NGLY1: variants seen among roughly 807,000 people sequenced by gnomAD.
NGLY1 encodes peptide-N(4)-(N-acetyl-beta-glucosaminyl)asparagine amidase.
A neutral mutation model predicts 84.6 loss-of-function variants in NGLY1; 68 were observed. The ratio of observed to expected loss-of-function variants is 0.80; its 90% CI spans 0.66 to 0.98. NGLY1 has a LOEUF of 0.98. NGLY1 is among the 50% of genes least tolerant of loss of function. The probability of loss-of-function intolerance (pLI) is 0.00; values close to 1 mark genes in which losing one functional copy is unlikely to be tolerated. For missense variants in NGLY1, 779 were observed against 770.2 expected (o/e 1.01, Z -0.14); for synonymous variants, 280 against 275.2 (o/e 1.02, Z -0.17).
chr3:25,760,720 C>T (rs533244547), intron 3 of NGLY1, among the ~76,000 whole-genome samples: 4 of 151,870 alleles, frequency 2.6e-5, no homozygotes, highest in Non-Finnish European at 4.4e-5. Context: ...ACTAGCCAGA[C>T]GTGGTGGCAC....
At chr3:25,770,222 C>T (rs1209749066) in intron 2 of NGLY1, among the ~76,000 whole-genome samples, 1 of 152,218 alleles carries the variant, frequency 6.6e-6, no homozygotes, top group Non-Finnish European at 1.5e-5. Flanking sequence ...ATGATCTCAG[C>T]TCACTGCAAC....
intron 2 of NGLY1, among the ~76,000 whole-genome samples, chr3:25,775,589 T>C (rs1708119565): frequency 1.3e-5 from 2 of 151,950 alleles, no homozygotes; most frequent in South Asian, 2.1e-4. Flanking sequence ...GCTAAAACAA[T>C]TGATCCCATA....
chr3:25,719,332 A>C lies in NGLY1; in HGVS notation c.*128T>G. ...TAAAGATAATTTTCATGAGGGTTAC[A>C]TGATGGATAGCTAGCAAAAGAAATA... On this transcript the variant is annotated 3_prime_UTR_variant, in exon 12 of 12. Transcript: ENST00000280700. The C allele has an allele frequency of 1.6e-6, 1 of 642,758 alleles. No individual in the cohort carries two copies. The highest frequency in any genetic ancestry group is 2.7e-6 in the Non-Finnish European group (1 of 376,416). The allele number at this position is 642,758 out of a possible 1,614,324, so 39.8% of individuals were successfully genotyped here.
At chr3:25,782,292 T>C (rs1209383522) in intron 1 of NGLY1, among the ~76,000 whole-genome samples, 2 of 152,180 alleles carry the variant, frequency 1.3e-5, no homozygotes, top group African/African-American at 4.8e-5. Context: ...TTAGACTTCA[T>C]GACAATATAC....
At chr3:25,767,424 T>C (rs1430619580) in intron 2 of NGLY1, among the ~76,000 whole-genome samples, 2 of 152,118 alleles carry the variant, frequency 1.3e-5, no homozygotes, top group Non-Finnish European at 2.9e-5. Context: ...GCTGAAAATA[T>C]CGTCCAGTCA....
At chr3:25,755,747 G>C in intron 3 of NGLY1, 1 of 919,418 alleles carries the variant, frequency 1.1e-6, no homozygotes, top group Non-Finnish European at 1.7e-6. Flanking sequence ...TACTGAACTA[G>C]AATATTCTAG....
intron 1 of NGLY1, 52 bp from the exon 2 acceptor site, chr3:25,778,740 C>T: frequency 9.4e-7 from 1 of 1,066,190 alleles, no homozygotes; most frequent in Non-Finnish European, 1.4e-6. Flanking sequence ...GGTCATAGTT[C>T]TTCAAAGACT....
At chr3:25,776,412 T>A (rs1708157172) in intron 2 of NGLY1, among the ~76,000 whole-genome samples, 1 of 152,234 alleles carries the variant, frequency 6.6e-6, no homozygotes, top group Non-Finnish European at 1.5e-5. Flanking sequence ...CCCAACCAAT[T>A]TGAATCTTGA....
chr3:25,723,099 G>A (rs983429581), intron 10 of NGLY1, among the ~76,000 whole-genome samples: 1 of 152,134 alleles, frequency 6.6e-6, no homozygotes, highest in African/African-American at 2.4e-5. Flanking sequence ...TATAAAATAT[G>A]ATAGGCTGAA....
rs138476844 is a variant in NGLY1 at position 25,749,048 on chromosome 3, C to T, written c.658+2050G>A. 1.0e-3 allele frequency among the ~76,000 whole-genome samples: 155 copies of T among 152,154 alleles called. 2 individuals are homozygous for T. The highest frequency in any genetic ancestry group is 4.1e-4 in the Non-Finnish European group (28 of 67,994). On this transcript the variant is annotated intron_variant, in intron 4 of 11. Transcript: ENST00000280700. ...GCAAATCAAAACTACAGTGACATACCGCTTCATCCCCATTAGCATGGCTAC... is the reference window on the plus strand; with the variant it reads ...GCAAATCAAAACTACAGTGACATACTGCTTCATCCCCATTAGCATGGCTAC...
intron 1 of NGLY1, chr3:25,782,890 T>A (rs1708482071): frequency 4.8e-6 from 1 of 209,040 alleles, no homozygotes; most frequent in Non-Finnish European, 9.8e-6. Context: ...GCGGTGCGGT[T>A]ACCGTTGTGT....
chr3:25,751,033 C>T (rs761393784), intron 4 of NGLY1, 65 bp downstream of exon 4: 21 of 1,487,240 alleles, frequency 1.4e-5, no homozygotes, highest in Non-Finnish European at 1.9e-5. Flanking sequence ...AGTTGTATTT[C>T]AGTATTTTCT....
Position 25,783,087 on chromosome 3 carries a change from C to G in NGLY1, c.131+173G>C. 1 of 590,580 alleles carries G rather than the reference C, an allele frequency of 1.7e-6. No homozygotes were observed. The highest frequency in any genetic ancestry group is 2.9e-6 in the Non-Finnish European group (1 of 342,808). 36.6% of individuals were successfully genotyped at this position (590,580 alleles called of 1,614,324 possible). A position where few individuals can be genotyped will look rare whatever the true frequency, so the allele number is the denominator to read the frequency against. ...GCGGGGGTGGGACTTGGCCGGGTCC[C>G]GAGGCCCCTGGCCGGCGGGCTCGGA... On this transcript the variant is annotated intron_variant, in intron 1 of 11. Coordinates refer to ENST00000280700, the MANE Select transcript of NGLY1 (RefSeq NM_018297.4). This position sits in a 1 kb window ranked among gnomAD's most constrained non-coding sequence, Gnocchi z 4.5.
intron 2 of NGLY1, among the ~76,000 whole-genome samples, chr3:25,764,609 T>A (rs1365233044): frequency 6.6e-6 from 1 of 151,300 alleles, no homozygotes; most frequent in Non-Finnish European, 1.5e-5. Flanking sequence ...AAACAATAAG[T>A]CAGAAGGCCT....
intron 2 of NGLY1, among the ~76,000 whole-genome samples, chr3:25,768,077 C>T (rs1375715174): frequency 7.9e-6 from 1 of 126,898 alleles, no homozygotes; most frequent in Non-Finnish European, 1.6e-5. Flanking sequence ...CGCACCACTA[C>T]ACTCCAGGCT....
At chr3:25,781,268 A>G (rs920993514) in intron 1 of NGLY1, among the ~76,000 whole-genome samples, 2 of 152,120 alleles carry the variant, frequency 1.3e-5, no homozygotes, top group Non-Finnish European at 2.9e-5. Flanking sequence ...TTATTTTTAT[A>G]TCATCTCTGG....
chr3:25,743,884 A>C (rs1706281248), intron 4 of NGLY1, among the ~76,000 whole-genome samples: 1 of 152,184 alleles, frequency 6.6e-6, no homozygotes, highest in Non-Finnish European at 1.5e-5. Context: ...TCCTCATTTA[A>C]ACAATATCCT....
At chr3:25,766,049 AGTAG>A (rs1707551200) in intron 2 of NGLY1, among the ~76,000 whole-genome samples, 1 of 151,692 alleles carries the variant, frequency 6.6e-6, no homozygotes, top group Admixed American at 6.6e-5. Context: ...TACCCTGAAA[AGTAG>A]GTATTAGATT....
At chr3:25,788,660 G>C (rs554253803) in intron 1 of NGLY1, among the ~76,000 whole-genome samples, 5 of 152,196 alleles carry the variant, frequency 3.3e-5, no homozygotes, top group African/African-American at 1.2e-4. Context: ...AAATATTGTA[G>C]GTATTTTCAC....
Sources: allele counts gnomAD v4.1 joint callset (sites outside exome capture counted in the v4.1 genomes callset), GRCh38; gene constraint gnomAD v4.1.1; non-coding constraint Gnocchi (gnomAD v3.1); transcripts MANE v1.5; gene names NCBI Gene and HGNC (gene_info 2026-07-23, HGNC 2026-07-21).